Variants in WDR17 observed in about 807,000 individuals in gnomAD.
The protein encoded by WDR17 is WD repeat domain 17, also known as WD repeat-containing protein 17.
In WDR17, 143 loss-of-function variants were observed where a neutral mutation model predicts 161.7. The ratio of observed to expected loss-of-function variants is 0.88; its 90% CI spans 0.77 to 1.02. The LOEUF is 1.02. Among genes scored for constraint, WDR17 ranks in the 50% least tolerant of loss-of-function variants. WDR17 has a pLI of 0.00. For missense variants in WDR17, 1,469 were observed against 1,520.9 expected, an observed-to-expected ratio of 0.97 and a Z score of 0.57; for synonymous variants, 517 against 515.6, an observed-to-expected ratio of 1.00 and a Z score of -0.04.
intron 14 of WDR17, 31 bp downstream of exon 14, chr4:176,149,987 T>C (rs776282706): frequency 1.9e-6 from 3 of 1,610,032 alleles, no homozygotes; most frequent in South Asian, 2.2e-5. Flanking sequence ...TTAGAGTTTA[T>C]TTCTAAATAA....
At position 176,162,138 on chromosome 4, in the gene WDR17, A is replaced by T. The variant is rs1218085951; in HGVS notation, c.2814A>T (p.Leu938=). The T allele has an allele frequency of 6.2e-7, 1 of 1,613,278 alleles. No homozygotes were observed. Residue 938 remains leucine (L), a synonymous_variant, in exon 21 of 29, where the codon CTA becomes CTT. Coordinates refer to ENST00000508596, the MANE Select transcript of WDR17 (RefSeq NM_181265.4). ...EWYFQDGRAV[L]AACCHLAIDN... is the part of the protein sequence containing the mutation. ...ATTTTCAAGATGGTCGAGCAGTACT[A>T]GCCGCATGTTGCCATCTTGCCATAG...
intron 1 of WDR17, among the ~76,000 whole-genome samples, chr4:176,108,312 A>G (rs1388308643): frequency 6.6e-6 from 1 of 152,192 alleles, no homozygotes; most frequent in Non-Finnish European, 1.5e-5. Context: ...AACTGAAAGA[A>G]GGCAGTCTGT....
chr4:176,082,063 G>A (rs1282087964), intron 1 of WDR17, among the ~76,000 whole-genome samples: 1 of 150,928 alleles, frequency 6.6e-6, no homozygotes, highest in African/African-American at 2.4e-5. Context: ...TTTTTTTTCT[G>A]CTTTGTTTAC....
At chr4:176,137,733 C>A in intron 9 of WDR17, 122 bp downstream of exon 9, 1 of 505,408 alleles carries the variant, frequency 2.0e-6, no homozygotes, top group Non-Finnish European at 3.0e-6. Flanking sequence ...TGTGTTCTCT[C>A]AATTAGAAGA....
At chr4:176,074,313 TTTTC>T (rs1243530954) in intron 1 of WDR17, among the ~76,000 whole-genome samples, 7 of 151,960 alleles carry the variant, frequency 4.6e-5, no homozygotes, top group Non-Finnish European at 8.8e-5. Context: ...CCAGAACACC[TTTTC>T]CCTTTTCCCT....
Position 176,173,110 on chromosome 4 carries a change from G to A in WDR17, c.3245-157G>A, listed in dbSNP as rs547753332. On this transcript the variant is annotated intron_variant, in intron 24 of 28. Transcript: ENST00000508596. The stretch of plus-strand genomic sequence containing the variant: ...ATCTCTTCTGATTTTATGGTATGGG[G>A]ACCTGAGAGAGGATAAATAGGAAAA... Among the ~76,000 whole-genome samples, 4 of 152,246 alleles carry A rather than the reference G, an allele frequency of 2.6e-5. No homozygotes were observed. In the South Asian group the frequency reaches 8.3e-4, roughly 32 times the overall value.
rs1364987236 is a variant in WDR17, at chr4:176,131,543, T to C, written c.914-11T>C. 1.2e-5 allele frequency: 19 copies of C among 1,589,842 alleles called. No individual in the cohort carries two copies. The highest frequency in any genetic ancestry group is 1.5e-5 in the Non-Finnish European group (18 of 1,171,134). ...TTCATTCCAATAGGATTTTTTTTCTTCTATTTTTAGTTTCAGTCCAATCTC... is the reference window on the plus strand; with the variant it reads ...TTCATTCCAATAGGATTTTTTTTCTCCTATTTTTAGTTTCAGTCCAATCTC... On this transcript the variant is annotated splice_polypyrimidine_tract_variant and intron_variant, in intron 6 of 28. Transcript: ENST00000508596.
chr4:176,136,850 T>C (rs1744497801), intron 8 of WDR17, among the ~76,000 whole-genome samples: 1 of 151,488 alleles, frequency 6.6e-6, no homozygotes, highest in South Asian at 2.1e-4. Context: ...ATTAAGTAGT[T>C]TCTTCATATT....
chr4:176,110,673 A>G (rs1739558987), intron 1 of WDR17, among the ~76,000 whole-genome samples: 1 of 152,190 alleles, frequency 6.6e-6, no homozygotes, highest in Non-Finnish European at 1.5e-5. Context: ...TCTTAGAGGA[A>G]TTTAGAGTTT....
intron 1 of WDR17, among the ~76,000 whole-genome samples, chr4:176,066,345 G>T (rs1732525515): frequency 1.3e-5 from 2 of 152,178 alleles, no homozygotes; most frequent in South Asian, 4.1e-4. Flanking sequence ...GTAAACTGTG[G>T]ACATTTCGAG....
chr4:176,111,437 A>C, intron 1 of WDR17, 138 bp from the exon 2 acceptor site: 1 of 919,636 alleles, frequency 1.1e-6, no homozygotes, highest in Non-Finnish European at 1.5e-6. Flanking sequence ...TTCTCTGAAA[A>C]TAAAAGTCAA....
intron 3 of WDR17, among the ~76,000 whole-genome samples, chr4:176,116,251 C>T (rs1740616406): frequency 6.6e-6 from 1 of 151,484 alleles, no homozygotes. Flanking sequence ...GTAAGAATTT[C>T]CAAAATAAAT....
chr4:176,133,896 G>A (rs1743961070), intron 7 of WDR17, among the ~76,000 whole-genome samples: 1 of 151,478 alleles, frequency 6.6e-6, no homozygotes. Context: ...CTTCCTTTTG[G>A]TAAGAAGAAA....
intron 11 of WDR17, among the ~76,000 whole-genome samples, chr4:176,144,433 AAGG>A (rs1382746005): frequency 6.6e-6 from 1 of 152,198 alleles, no homozygotes; most frequent in African/African-American, 2.4e-5. Context: ...GCCTTGAAAA[AAGG>A]AGATGTTCAA....
chr4:176,142,097 T>G (rs1745370346), intron 11 of WDR17, 28 bp downstream of exon 11: 1 of 1,573,002 alleles, frequency 6.4e-7, no homozygotes, highest in South Asian at 1.1e-5. Flanking sequence ...CTGAAATAAA[T>G]AATAACTACA....
At chr4:176,114,060 T>TA (rs1463418233) in intron 2 of WDR17, among the ~76,000 whole-genome samples, 1 of 152,084 alleles carries the variant, frequency 6.6e-6, no homozygotes, top group Admixed American at 6.5e-5. Context: ...TGGTCACTGA[T>TA]ATGCAGCATA....
intron 3 of WDR17, among the ~76,000 whole-genome samples, chr4:176,117,696 G>C (rs573391625): frequency 5.9e-5 from 9 of 152,090 alleles, no homozygotes; most frequent in African/African-American, 2.2e-4. Context: ...AACAGTCCCA[G>C]AATGATGAGA....
intron 1 of WDR17, among the ~76,000 whole-genome samples, chr4:176,094,703 G>A (rs1736591350): frequency 6.6e-6 from 1 of 152,140 alleles, no homozygotes. Context: ...GAAGATAAGG[G>A]CCTTCTGAAT....
At chr4:176,159,640 C>T (rs979716306) in intron 18 of WDR17, among the ~76,000 whole-genome samples, 4 of 152,196 alleles carry the variant, frequency 2.6e-5, no homozygotes, top group African/African-American at 9.7e-5. Flanking sequence ...TAGATACCCA[C>T]ATATTTGCTT....
Sources: gnomAD v4.1 joint callset for allele counts (sites outside exome capture counted in the v4.1 genomes callset) on GRCh38, gnomAD v4.1.1 for gene constraint, MANE v1.5 for transcripts, NCBI Gene and HGNC (gene_info 2026-07-23, HGNC 2026-07-21) for gene names.